The following TGFBR3 variants were observed in gnomAD, a reference collection of about 807,000 sequenced individuals.
TGFBR3 encodes the protein transforming growth factor beta receptor 3, also known as transforming growth factor beta receptor type 3.
In TGFBR3, 46 loss-of-function variants were observed where a neutral mutation model predicts 87.9. The ratio of observed to expected loss-of-function variants is 0.52; its 90% CI spans 0.41 to 0.67. The LOEUF (loss-of-function observed/expected upper bound fraction) is 0.67, where lower values mean the gene tolerates loss of function less well. Ranked by LOEUF, TGFBR3 falls within the 30% of genes least tolerant of loss-of-function variation. The pLI is 0.00. For missense variants in TGFBR3, 866 were observed against 1,041.9 expected, an observed-to-expected ratio of 0.83 and a Z score of 2.32; for synonymous variants, 381 against 391.6, an observed-to-expected ratio of 0.97 and a Z score of 0.32.
Position 91,758,757 on chromosome 1 carries a change from A to G in TGFBR3, c.247-7T>C. ...GATTCAGGTGAAGTGTGACCTAGGA[A>G]GCAACAGAAAGAGGGCAGAAATCTT... On this transcript the variant is annotated splice_polypyrimidine_tract_variant and splice_region_variant and intron_variant, in intron 3 of 16. Transcript: ENST00000212355. The G allele has an allele frequency of 6.2e-7, 1 of 1,613,910 alleles. No individual in the cohort carries two copies. The highest frequency in any genetic ancestry group is 8.5e-7 in the Non-Finnish European group (1 of 1,179,850).
chr1:91,861,513 T>C lies in TGFBR3; in HGVS notation c.19A>G (p.Ile7Val). The change falls in exon 2 of 17, where the codon ATT becomes GTT. Residue 7 changes from isoleucine to valine, a missense_variant. Ile to Val is a conservative substitution (Grantham distance 29). Transcript: ENST00000212355. MTSHYV[I>V]AIFALMSSCL... Reference sequence around the variant, plus strand: ...GAGCTCATCAGGGCAAAGATGGCAATCACATAATGGGAAGTCATTTTTATT... The same window carrying C: ...GAGCTCATCAGGGCAAAGATGGCAACCACATAATGGGAAGTCATTTTTATT... 1 of 1,613,932 alleles carries C rather than the reference T, an allele frequency of 6.2e-7. No homozygotes were observed.
At chr1:91,730,113 G>A (rs1672712197) in intron 5 of TGFBR3, 140 bp from the exon 6 acceptor site, 1 of 947,810 alleles carries the variant, frequency 1.1e-6, no homozygotes, top group Non-Finnish European at 1.7e-6. Flanking sequence ...CGTCTGTGAA[G>A]TCCGCAACCA....
intron 3 of TGFBR3, among the ~76,000 whole-genome samples, chr1:91,762,627 C>T (rs904108707): frequency 2.0e-5 from 3 of 152,204 alleles, no homozygotes; most frequent in Non-Finnish European, 2.9e-5. Flanking sequence ...GCTGGATATT[C>T]GGTATTCCTG....
chr1:91,880,466 C>T (rs570569523), intron 1 of TGFBR3, among the ~76,000 whole-genome samples: 2 of 151,848 alleles, frequency 1.3e-5, no homozygotes, highest in African/African-American at 2.4e-5. Context: ...GGCGTGGTGG[C>T]GGGCGCCTGT....
intron 3 of TGFBR3, among the ~76,000 whole-genome samples, chr1:91,776,294 T>C (rs1674565113): frequency 6.6e-6 from 1 of 152,260 alleles, no homozygotes; most frequent in Non-Finnish European, 1.5e-5. Flanking sequence ...GGGTCAGGAC[T>C]GCCAGTGCCT....
At chr1:91,740,600 G>A (rs1673129647) in intron 4 of TGFBR3, among the ~76,000 whole-genome samples, 1 of 152,094 alleles carries the variant, frequency 6.6e-6, no homozygotes, top group Non-Finnish European at 1.5e-5. Flanking sequence ...CCTGACCTCA[G>A]GTGATCCACC....
Position 91,797,283 on chromosome 1 carries a change from C to T in TGFBR3, c.246+4G>A, listed in dbSNP as rs1675425828. ...GTGGGCTGAGAGCTGACACCTGCAC[C>T]TACCTCTCTCTGTAGCTGGCCAGGC... On this transcript the variant is annotated splice_donor_region_variant and intron_variant, in intron 3 of 16. Transcript: ENST00000212355. 2 of 1,614,010 alleles carry T rather than the reference C, an allele frequency of 1.2e-6. No individual in the cohort carries two copies. The highest frequency in any genetic ancestry group is 1.7e-6 in the Non-Finnish European group (2 of 1,180,006).
intron 14 of TGFBR3, among the ~76,000 whole-genome samples, chr1:91,706,116 G>A (rs114425738): frequency 2.6e-5 from 4 of 152,238 alleles, no homozygotes; most frequent in East Asian, 1.9e-4. Context: ...AAATAGTTAC[G>A]AGTAACAGAT....
intron 8 of TGFBR3, among the ~76,000 whole-genome samples, 169 bp downstream of exon 8, chr1:91,721,786 T>C (rs1672375266): frequency 6.6e-6 from 1 of 152,208 alleles, no homozygotes; most frequent in Non-Finnish European, 1.5e-5. Flanking sequence ...TATTACAGTT[T>C]CCTCAAAATC....
At chr1:91,739,267 G>C (rs143143561) in intron 4 of TGFBR3, among the ~76,000 whole-genome samples, 19 of 152,246 alleles carry the variant, frequency 1.2e-4, no homozygotes, top group Non-Finnish European at 2.6e-4. Flanking sequence ...AATAATTCAG[G>C]TGAGAAACAG....
chr1:91,771,088 T>C (rs1674361096), intron 3 of TGFBR3: 1 of 152,214 alleles, frequency 6.6e-6, no homozygotes, highest in Non-Finnish European at 1.5e-5. Flanking sequence ...ATGAATGGCT[T>C]GGCTTACGGG....
chr1:91,729,740 G>A (rs974778993), intron 6 of TGFBR3, 65 bp downstream of exon 6: 7 of 1,594,692 alleles, frequency 4.4e-6, no homozygotes, highest in African/African-American at 2.7e-5. Context: ...ACCTCTCCCT[G>A]CCTCAAGTCA....
At chr1:91,724,858 G>A (rs74356559) in intron 7 of TGFBR3, among the ~76,000 whole-genome samples, 5,920 of 152,228 alleles carry the variant, frequency 0.039, 186 homozygotes, top group Non-Finnish European at 0.058. Context: ...ATTTACATCT[G>A]GACTGATGGT....
At chr1:91,819,303 G>A (rs779481727) in intron 2 of TGFBR3, among the ~76,000 whole-genome samples, 2 of 152,092 alleles carry the variant, frequency 1.3e-5, no homozygotes, top group African/African-American at 4.8e-5. Flanking sequence ...GAGAGGCAGG[G>A]GTTGCAGTGA....
intron 3 of TGFBR3, among the ~76,000 whole-genome samples, chr1:91,796,257 T>C (rs550964723): frequency 7.9e-5 from 12 of 152,332 alleles, no homozygotes; most frequent in East Asian, 1.9e-4. Context: ...TAGGCCATTT[T>C]TGAGCCACAG....
chr1:91,864,736 G>A (rs1302679870), intron 1 of TGFBR3, among the ~76,000 whole-genome samples: 2 of 152,166 alleles, frequency 1.3e-5, no homozygotes, highest in Non-Finnish European at 1.5e-5. Flanking sequence ...CTGGAATGCT[G>A]GATGGACTGA....
intron 3 of TGFBR3, among the ~76,000 whole-genome samples, chr1:91,762,604 G>A (rs1340133472): frequency 6.6e-6 from 1 of 152,188 alleles, no homozygotes; most frequent in Non-Finnish European, 1.5e-5. Flanking sequence ...TAACCATGCT[G>A]GTTTCAAACA....
In TGFBR3 at chr1:91,708,845, T is replaced by TA; in HGVS notation, c.2167-63dup. The TA allele has an allele frequency of 5.0e-6, 8 of 1,600,224 alleles. 1 individual carries two copies. The South Asian group carries it at 7.8e-5, about 16-fold the overall frequency. The stretch of plus-strand genomic sequence containing the variant: ...CACTCAAAAGTGCCTTCACCAGCTC[T>TA]ACCTGCACAGCTGTCCTGTGGCCTT... On this transcript the variant is annotated intron_variant, in intron 13 of 16. Coordinates refer to ENST00000212355, the MANE Select transcript of TGFBR3 (RefSeq NM_003243.5).
At position 91,680,989 on chromosome 1, in the gene TGFBR3, A is replaced by G; in HGVS notation, c.*2750T>C. On this transcript the variant is annotated 3_prime_UTR_variant, in exon 17 of 17. Coordinates refer to ENST00000212355, the MANE Select transcript of TGFBR3 (RefSeq NM_003243.5). ...AAAGCTATAGCGTATTATACAGACA[A>G]TCTGCCTTGGAGTTTGGGGCATTTT... The G allele has an allele frequency of 2.2e-6, 1 of 454,150 alleles. No homozygotes were observed. The highest frequency in any genetic ancestry group is 2.3e-5 in the Admixed American group (1 of 42,578). 28.1% of individuals were successfully genotyped at this position (454,150 alleles called of 1,614,324 possible). A position where few individuals can be genotyped will look rare whatever the true frequency, so the allele number is the denominator to read the frequency against.
Sources: allele counts gnomAD v4.1 joint callset (sites outside exome capture counted in the v4.1 genomes callset), GRCh38; gene constraint gnomAD v4.1.1; transcripts MANE v1.5; gene names NCBI Gene and HGNC (gene_info 2026-07-23, HGNC 2026-07-21).